MTUS2: variants seen among roughly 807,000 people sequenced by gnomAD.
The protein encoded by MTUS2 is microtubule associated scaffold protein 2.
A neutral mutation model predicts 114.1 loss-of-function variants in MTUS2; 40 were observed. The ratio of observed to expected loss-of-function variants is 0.35; its 90% CI spans 0.27 to 0.46. The LOEUF is 0.46. Among genes scored for constraint, MTUS2 ranks in the 20% least tolerant of loss-of-function variants. MTUS2 has a pLI of 1.00. For missense variants in MTUS2, 1,679 were observed against 1,705.4 expected (o/e 0.98, Z 0.27); for synonymous variants, 688 against 672.0 (o/e 1.02, Z -0.37).
At chr13:29,389,344 C>CAT (rs1467356782) in intron 8 of MTUS2, among the ~76,000 whole-genome samples, 25,893 of 53,788 alleles carry the variant, frequency 0.48, 9,026 homozygotes, top group Admixed American at 0.6. Flanking sequence ...TATGTATGCA[C>CAT]GTGTGTGTAT....
intron 1 of MTUS2, among the ~76,000 whole-genome samples, chr13:28,826,697 G>GCAAATACAT (rs1360762841): frequency 6.6e-6 from 1 of 152,164 alleles, no homozygotes; most frequent in Admixed American, 6.5e-5. Flanking sequence ...CTGTAATAAG[G>GCAAATACAT]CAAATACATT....
intron 2 of MTUS2, among the ~76,000 whole-genome samples, chr13:28,898,928 A>G (rs1879458710): frequency 6.6e-6 from 1 of 152,210 alleles, no homozygotes; most frequent in Admixed American, 6.5e-5. Context: ...AAATAAAATA[A>G]CACAAAGACT....
At chr13:29,459,236 G>C (rs1339853860) in intron 9 of MTUS2, among the ~76,000 whole-genome samples, 2 of 152,124 alleles carry the variant, frequency 1.3e-5, no homozygotes, top group African/African-American at 4.8e-5. Context: ...GAGGACGGCG[G>C]GGGTATTTAA....
intron 2 of MTUS2, among the ~76,000 whole-genome samples, chr13:28,968,581 G>T (rs1320234749): frequency 6.6e-6 from 1 of 152,136 alleles, no homozygotes; most frequent in Non-Finnish European, 1.5e-5. Context: ...GACTGGATGA[G>T]ATACTTTTCT....
chr13:29,398,728 G>C (rs568899618), intron 8 of MTUS2, among the ~76,000 whole-genome samples: 5 of 152,204 alleles, frequency 3.3e-5, no homozygotes, highest in African/African-American at 1.2e-4. Context: ...GTGCTGAAAA[G>C]AGAAGCACAC....
At chr13:28,931,153 G>A (rs1249910597) in intron 2 of MTUS2, among the ~76,000 whole-genome samples, 1 of 152,194 alleles carries the variant, frequency 6.6e-6, no homozygotes, top group Non-Finnish European at 1.5e-5. Flanking sequence ...CTTTGGGCAT[G>A]GCCCCGTGAC....
At position 29,026,567 on chromosome 13, in the gene MTUS2, A is replaced by G. The variant is rs771270353; in HGVS notation, c.1869A>G (p.Thr623=). 15 of 1,613,862 alleles carry G rather than the reference A, an allele frequency of 9.3e-6. No homozygotes were observed. The African/African-American group carries it at 1.9e-4, about 20-fold the overall frequency. ...TGGAGAACTATCAGGTTGAAAAAACAGAGGAGAGGACAGAAACTAAGCCCA... is the reference window on the plus strand; with the variant it reads ...TGGAGAACTATCAGGTTGAAAAAACGGAGGAGAGGACAGAAACTAAGCCCA... ...EGMENYQVEK[T]EERTETKPII... The change falls in exon 3 of 16, where the codon ACA becomes ACG. Residue 623 remains threonine (T), a synonymous_variant. Transcript: ENST00000612955.
At chr13:29,046,989 T>TG (rs1887651993) in intron 4 of MTUS2, among the ~76,000 whole-genome samples, 1 of 152,212 alleles carries the variant, frequency 6.6e-6, no homozygotes, top group South Asian at 2.1e-4. Context: ...AGGCAGGACT[T>TG]GCGTCAGGAA....
intron 5 of MTUS2, among the ~76,000 whole-genome samples, chr13:29,209,236 T>C (rs1339346700): frequency 1.3e-5 from 2 of 152,206 alleles, no homozygotes; most frequent in Non-Finnish European, 2.9e-5. Flanking sequence ...GATATAACAA[T>C]AGCTACTCCT....
At chr13:29,140,783 A>C (rs1470893420) in intron 5 of MTUS2, among the ~76,000 whole-genome samples, 1 of 152,166 alleles carries the variant, frequency 6.6e-6, no homozygotes, top group African/African-American at 2.4e-5. Flanking sequence ...TCTGGTGGAC[A>C]TTCAAGAAGG....
chr13:29,093,439 C>T (rs1252241448), intron 4 of MTUS2, among the ~76,000 whole-genome samples: 1 of 152,112 alleles, frequency 6.6e-6, no homozygotes, highest in Non-Finnish European at 1.5e-5. Flanking sequence ...AACACTCCAT[C>T]TCAAAAAAAC....
Position 29,281,710 on chromosome 13 carries a change from C to G in MTUS2, c.2651C>G (p.Thr884Ser). The G allele has an allele frequency of 6.2e-7, 1 of 1,606,506 alleles. No homozygotes were observed. Among genetic ancestry groups the G allele is most frequent in the East Asian group, 2.2e-5 (1 of 44,574 alleles). Reference protein sequence around the residue: ...PEQGRPATRSTFGNEEQPVLK... With the variant: ...PEQGRPATRSSFGNEEQPVLK... ...CGCTGTCTGCCTCCCACAGGTTCAA[C>G]CTTTGGGAATGAAGAACAGCCAGTT... The change falls in exon 6 of 16, where the codon ACC (threonine) becomes AGC (serine). Residue 884 changes from threonine to serine, a missense_variant. Thr to Ser is a moderately conservative substitution (Grantham distance 58). Coordinates refer to ENST00000612955, the MANE Select transcript of MTUS2 (RefSeq NM_001033602.4).
intron 2 of MTUS2, among the ~76,000 whole-genome samples, chr13:29,021,072 G>A (rs1282306851): frequency 6.6e-6 from 1 of 152,180 alleles, no homozygotes; most frequent in Non-Finnish European, 1.5e-5. Flanking sequence ...TTTGAGACTA[G>A]TCTGGTCAAT....
intron 2 of MTUS2, among the ~76,000 whole-genome samples, chr13:28,992,188 G>A (rs746612188): frequency 1.3e-5 from 2 of 152,344 alleles, no homozygotes; most frequent in South Asian, 4.1e-4. Context: ...CCAAAACCAG[G>A]AAGGGAAGTG....
At chr13:29,187,899 A>T (rs1362974694) in intron 5 of MTUS2, among the ~76,000 whole-genome samples, 1 of 152,056 alleles carries the variant, frequency 6.6e-6, no homozygotes, top group African/African-American at 2.4e-5. Flanking sequence ...AACCTCTCCC[A>T]TCTGTTCCCA....
chr13:28,899,418 C>CT (rs1034627132), intron 2 of MTUS2, among the ~76,000 whole-genome samples: 17 of 151,328 alleles, frequency 1.1e-4, no homozygotes, highest in African/African-American at 3.9e-4. Flanking sequence ...GTTTCTTTTT[C>CT]TTTTTTTTTG....
At chr13:29,099,807 C>T (rs2138816382) in intron 4 of MTUS2, among the ~76,000 whole-genome samples, 1 of 152,252 alleles carries the variant, frequency 6.6e-6, no homozygotes, top group Non-Finnish European at 1.5e-5. Context: ...TATTAAAGAG[C>T]ATTTGTATAT....
chr13:29,176,812 G>T (rs1290900717), intron 5 of MTUS2, among the ~76,000 whole-genome samples: 1 of 150,790 alleles, frequency 6.6e-6, no homozygotes, highest in Non-Finnish European at 1.5e-5. Context: ...TCTTCGTGAG[G>T]CTTGGCCATC....
At chr13:29,074,673 C>G (rs1406161845) in intron 4 of MTUS2, among the ~76,000 whole-genome samples, 1 of 152,104 alleles carries the variant, frequency 6.6e-6, no homozygotes, top group African/African-American at 2.4e-5. Context: ...ACTACGAGTG[C>G]TTCTATTTTA....
Sources: allele counts gnomAD v4.1 joint callset (sites outside exome capture counted in the v4.1 genomes callset), GRCh38; gene constraint gnomAD v4.1.1; transcripts MANE v1.5; gene names NCBI Gene and HGNC (gene_info 2026-07-23, HGNC 2026-07-21).